Variants in TMEM161B observed in about 807,000 individuals in gnomAD.
TMEM161B encodes the protein transmembrane protein 161B.
A neutral mutation model predicts 61.8 loss-of-function variants in TMEM161B; 34 were observed. The observed-to-expected ratio is 0.55, with a 90% CI of 0.42 to 0.73. TMEM161B has a LOEUF of 0.73. Among genes scored for constraint, TMEM161B ranks in the 30% least tolerant of loss-of-function variants. TMEM161B has a pLI of 0.00. For synonymous variants in TMEM161B, 167 were observed against 192.8 expected, an observed-to-expected ratio of 0.87 and a Z score of 1.11; for missense variants, 456 against 558.5, an observed-to-expected ratio of 0.82 and a Z score of 1.85.
intron 6 of TMEM161B, 122 bp downstream of exon 6, chr5:88,206,907 C>T: frequency 1.2e-6 from 1 of 820,980 alleles, no homozygotes; most frequent in Non-Finnish European, 1.9e-6. Flanking sequence ...TTGAACATTA[C>T]AGAGTATACA....
intron 1 of TMEM161B, chr5:88,250,704 C>G (rs1405207736): frequency 6.6e-6 from 1 of 152,162 alleles, no homozygotes; most frequent in African/African-American, 2.4e-5. Context: ...CAATTAGGCC[C>G]AAGCACTATG....
downstream of TMEM161B, among the ~76,000 whole-genome samples, chr5:88,191,016 G>T (rs1748774804): frequency 6.6e-6 from 1 of 152,052 alleles, no homozygotes; most frequent in Admixed American, 6.5e-5. Flanking sequence ...TAAATATGCT[G>T]AATTTTAAAA....
chr5:88,196,717 G>T (rs1749713670), intron 11 of TMEM161B, among the ~76,000 whole-genome samples: 1 of 151,938 alleles, frequency 6.6e-6, no homozygotes, highest in Non-Finnish European at 1.5e-5. Context: ...CAAAAAGTCT[G>T]ATATATTTTT....
intron 1 of TMEM161B, among the ~76,000 whole-genome samples, chr5:88,242,909 GA>G (rs1319821360): frequency 6.6e-6 from 1 of 151,476 alleles, no homozygotes; most frequent in African/African-American, 2.4e-5. Flanking sequence ...AATGTAAAAA[GA>G]TAAACTGGGG....
chr5:88,220,504 T>G, intron 5 of TMEM161B, 59 bp downstream of exon 5: 19 of 1,287,504 alleles, frequency 1.5e-5, no homozygotes, highest in East Asian at 2.8e-5. Context: ...AAATCAGAGA[T>G]GAGATCTAAT....
intron 1 of TMEM161B, chr5:88,251,133 G>A (rs1041788663): frequency 1.3e-5 from 2 of 152,108 alleles, no homozygotes; most frequent in African/African-American, 4.8e-5. Context: ...CTGCTGCTTA[G>A]TTGGGGATGA....
intron 5 of TMEM161B, among the ~76,000 whole-genome samples, chr5:88,210,055 T>A (rs780207913): frequency 8.5e-5 from 13 of 152,354 alleles, no homozygotes; most frequent in African/African-American, 1.2e-4. Context: ...AAAGAAAGCA[T>A]TCTCTAGACC....
chr5:88,193,875 A>G (rs566967859), downstream of TMEM161B, among the ~76,000 whole-genome samples: 128 of 152,302 alleles, frequency 8.4e-4, no homozygotes, highest in South Asian at 0.022. Flanking sequence ...GATGACGCTG[A>G]TATATCTCAA....
At chr5:88,186,856 T>C (rs1748382950), downstream of TMEM161B, among the ~76,000 whole-genome samples, 1 of 152,044 alleles carries the variant, frequency 6.6e-6, no homozygotes, top group African/African-American at 2.4e-5. Flanking sequence ...TGAGCTGAGA[T>C]TGTGCCACTG....
intron 1 of TMEM161B, among the ~76,000 whole-genome samples, chr5:88,249,552 A>C (rs1265248565): frequency 2.0e-5 from 3 of 152,146 alleles, no homozygotes; most frequent in African/African-American, 7.2e-5. Flanking sequence ...TTTAAAACTC[A>C]GATCGTAATT....
At chr5:88,215,858 A>G (rs2112488877) in intron 5 of TMEM161B, among the ~76,000 whole-genome samples, 1 of 152,356 alleles carries the variant, frequency 6.6e-6, no homozygotes, top group African/African-American at 2.4e-5. Flanking sequence ...TCTCTGGTAC[A>G]TATGTATCAA....
At position 88,203,789 on chromosome 5, in the gene TMEM161B, AT is replaced by A. The variant is rs1744903073; in HGVS notation, c.801-715del. Among the ~76,000 whole-genome samples the A allele has an allele frequency of 9.9e-4, 77 of 77,910 alleles. 1 individual carries two copies. Among genetic ancestry groups the A allele is most frequent in the African/African-American group, 2.4e-3 (40 of 16,356 alleles). The allele number at this position is 77,910 out of a possible 152,430, so 51.1% of individuals were successfully genotyped here. A position where few individuals can be genotyped will look rare whatever the true frequency, so the allele number is the denominator to read the frequency against. On this transcript the variant is annotated intron_variant, in intron 8 of 11. Coordinates refer to ENST00000296595, the MANE Select transcript of TMEM161B (RefSeq NM_153354.5). ...TATATATATATATATATATATATATATATATATATATATATATATATATATA... is the reference window on the plus strand; with the variant it reads ...TATATATATATATATATATATATATAATATATATATATATATATATATATA...
intron 1 of TMEM161B, chr5:88,250,959 A>G (rs1339558464): frequency 6.6e-6 from 1 of 152,208 alleles, no homozygotes; most frequent in Non-Finnish European, 1.5e-5. Context: ...TAAAGAGTTT[A>G]ATTAATGCAA....
downstream of TMEM161B, chr5:88,190,295 T>G: frequency 1.4e-6 from 1 of 699,888 alleles, no homozygotes; most frequent in Non-Finnish European, 2.6e-6. Context: ...GTGTCAGTTT[T>G]GGCAAAGGCT....
chr5:88,257,932 A>G (rs954594753), intron 1 of TMEM161B, among the ~76,000 whole-genome samples: 1 of 152,170 alleles, frequency 6.6e-6, no homozygotes. Flanking sequence ...TATCTCTCAG[A>G]TACGTGGCCA....
At chr5:88,221,536 A>G (rs901830137) in intron 4 of TMEM161B, 1 of 358,124 alleles carries the variant, frequency 2.8e-6, no homozygotes, top group African/African-American at 2.1e-5. Flanking sequence ...TACCTCTTAT[A>G]CCCTATTTTG....
intron 9 of TMEM161B, chr5:88,199,887 A>G (rs1270957261): frequency 6.6e-6 from 1 of 152,056 alleles, no homozygotes; most frequent in Non-Finnish European, 1.5e-5. Context: ...GCTCTGATGA[A>G]GAACTACATT....
At chr5:88,225,683 T>G (rs561954307) in intron 4 of TMEM161B, 86 bp downstream of exon 4, 47 of 809,748 alleles carry the variant, frequency 5.8e-5, no homozygotes, top group Admixed American at 5.3e-4. Flanking sequence ...TTCTCTATAA[T>G]GGACTTAATG....
At chr5:88,197,081 T>C (rs1749779687) in intron 11 of TMEM161B, among the ~76,000 whole-genome samples, 1 of 152,092 alleles carries the variant, frequency 6.6e-6, no homozygotes, top group Non-Finnish European at 1.5e-5. Flanking sequence ...AGCTAAATAA[T>C]GCTTTTAGTT....
Sources: allele counts gnomAD v4.1 joint callset (sites outside exome capture counted in the v4.1 genomes callset), GRCh38; gene constraint gnomAD v4.1.1; transcripts MANE v1.5; gene names NCBI Gene and HGNC (gene_info 2026-07-23, HGNC 2026-07-21).